The following UBXN10 variants were observed in gnomAD, a reference collection of about 807,000 sequenced individuals.
UBXN10 encodes UBX domain-containing protein 10.
Under a neutral mutation model 6.9 loss-of-function variants are expected in UBXN10, and 6 were observed. The observed-to-expected ratio is 0.87, with a 90% confidence interval of 0.48 to 1.72. UBXN10 has a LOEUF of 1.72. Ranked by LOEUF, UBXN10 falls within the 40% of genes most tolerant of loss-of-function variation. The probability of loss-of-function intolerance (pLI) is 0.01; values close to 1 mark genes in which losing one functional copy is unlikely to be tolerated. For synonymous variants in UBXN10, 131 were observed against 135.2 expected (o/e 0.97, Z 0.21); for missense variants, 317 against 348.4 (o/e 0.91, Z 0.72).
In UBXN10 at chr1:20,190,733, G is replaced by A. The variant is rs933513540; in HGVS notation, c.172G>A (p.Val58Met). The change falls in exon 2 of 2, where the codon GTG becomes ATG. Residue 58 changes from valine to methionine, a missense_variant. Physicochemically the swap from Val to Met is conservative, Grantham distance 21. Transcript: ENST00000375099. ...PSLQKSQGVE[V>M]CAHHIPSPPP... ...TCTGCAGAAATCCCAGGGCGTGGAG[G>A]TGTGCGCTCATCATATACCATCTCC... is the stretch of plus-strand genomic sequence containing the variant. 2 of 1,613,960 alleles carry A rather than the reference G, an allele frequency of 1.2e-6. No homozygotes were observed. The highest frequency in any genetic ancestry group is 1.7e-6 in the Non-Finnish European group (2 of 1,180,052).
chr1:20,183,342 G>A (rs142612007), upstream of UBXN10, among the ~76,000 whole-genome samples: 955 of 152,274 alleles, frequency 6.3e-3, 10 homozygotes, highest in Middle Eastern at 0.01. Flanking sequence ...CAGTCCCCAC[G>A]ACCAGTGCAA....
At chr1:20,184,841 G>C (rs1175326163), upstream of UBXN10, among the ~76,000 whole-genome samples, 2 of 152,104 alleles carry the variant, frequency 1.3e-5, no homozygotes, top group Non-Finnish European at 1.5e-5. Flanking sequence ...GCAAAACAAC[G>C]TTTTGAAATA....
rs2018492854 is a variant in UBXN10 at position 20,191,179 on chromosome 1, A to T, written c.618A>T (p.Pro206=). 6.2e-7 allele frequency: 1 copy of T among 1,614,118 alleles called. No homozygotes were observed. The highest frequency in any genetic ancestry group is 8.5e-7 in the Non-Finnish European group (1 of 1,180,054). ...EPRLLLAVRS[P]TGQRFVRHFR... ...GGTTGCTGCTTGCTGTTAGATCACC[A>T]ACAGGCCAAAGGTTTGTACGCCATT... The change falls in exon 2 of 2, where the codon CCA becomes CCT. Residue 206 remains proline, a synonymous_variant. Transcript: ENST00000375099. This position sits in a 1 kb window ranked among gnomAD's most constrained non-coding sequence, Gnocchi z 4.5.
Position 20,188,290 on chromosome 1 carries a change from G to C in UBXN10, c.-16+2137G>C, listed in dbSNP as rs939826073. Among the ~76,000 whole-genome samples the C allele has an allele frequency of 7.9e-5, 12 of 152,212 alleles. No homozygotes were observed. The East Asian group carries it at 2.3e-3, about 29-fold the overall frequency. ...AGCAGCCAGACTGGGTGTGAAAGAC[G>C]AGGGAGAAGTGGAAAATGGGAGTGG... On this transcript the variant is annotated intron_variant, in intron 1 of 1. Transcript: ENST00000375099.
At chr1:20,188,289 CGAG>C in intron 1 of UBXN10, among the ~76,000 whole-genome samples, 1 of 152,098 alleles carries the variant, frequency 6.6e-6, no homozygotes, top group South Asian at 2.1e-4. Flanking sequence ...GTGTGAAAGA[CGAG>C]GGAGAAGTGG....
Position 20,190,935 on chromosome 1 carries a change from TGGA to T in UBXN10, c.383_385del (p.Glu128del). The stretch of plus-strand genomic sequence containing the variant: ...CTTCCTTCCATCAACAGAAAGAACC[TGGA>T]GGAGGAGGCTGTGGAAACCGTTGCC... On this transcript the variant is annotated inframe_deletion, in exon 2 of 2. Transcript: ENST00000375099. 6.2e-7 allele frequency: 1 copy of T among 1,614,062 alleles called. No homozygotes were observed. Among genetic ancestry groups the T allele is most frequent in the African/African-American group, 1.3e-5 (1 of 74,986 alleles).
chr1:20,195,324 A>C lies in UBXN10; in HGVS notation c.*3920A>C, dbSNP rs547769440. 6.0e-6 allele frequency: 1 copy of C among 167,286 alleles called. No individual in the cohort carries two copies. Among genetic ancestry groups the C allele is most frequent in the East Asian group, 1.9e-4 (1 of 5,182 alleles). 10.4% of individuals were successfully genotyped at this position (167,286 alleles called of 1,614,324 possible). ...TGACAAATGCCCACGGGTAAAACTGAGCAAGCCTCATTCAGACTGTCCTGC... is the reference window on the plus strand; with the variant it reads ...TGACAAATGCCCACGGGTAAAACTGCGCAAGCCTCATTCAGACTGTCCTGC... On this transcript the variant is annotated 3_prime_UTR_variant, in exon 2 of 2. Transcript: ENST00000375099.
Position 20,191,596 on chromosome 1 carries a change from C to T in UBXN10, c.*192C>T, listed in dbSNP as rs2018504010. ...CTATGCCGAGCGCGCTAAGAAGTCT[C>T]CCTTCCAGCTGTTCCATTCTCTCCA... On this transcript the variant is annotated 3_prime_UTR_variant, in exon 2 of 2. Transcript: ENST00000375099. The surrounding 1 kb of genome is among the most constrained non-coding windows in gnomAD (Gnocchi z 4.5). 1.2e-6 allele frequency: 1 copy of T among 809,734 alleles called. No individual in the cohort carries two copies. Among genetic ancestry groups the T allele is most frequent in the Non-Finnish European group, 1.9e-6 (1 of 533,278 alleles). 50.2% of individuals were successfully genotyped at this position (809,734 alleles called of 1,614,324 possible). A position where few individuals can be genotyped will look rare whatever the true frequency, so the allele number is the denominator to read the frequency against.
At chr1:20,188,857 C>T (rs1461541703) in intron 1 of UBXN10, among the ~76,000 whole-genome samples, 1 of 152,108 alleles carries the variant, frequency 6.6e-6, no homozygotes, top group Non-Finnish European at 1.5e-5. Context: ...GAACTTAGCA[C>T]ATAGGAAGCA....
chr1:20,193,712 C>CTGGATA lies in UBXN10; in HGVS notation c.*2308_*2309insTGGATA, dbSNP rs2018553965. On this transcript the variant is annotated 3_prime_UTR_variant, in exon 2 of 2. Transcript: ENST00000375099. ...CGGGGCTCCTGCTCTCAGCTTCTGTCACAGCACTTAGCTTGTCTGGATAAG... is the reference window on the plus strand; with the variant it reads ...CGGGGCTCCTGCTCTCAGCTTCTGTCTGGATAACAGCACTTAGCTTGTCTGGATAAG... 1 of 167,092 alleles carries CTGGATA rather than the reference C, an allele frequency of 6.0e-6. No homozygotes were observed. The highest frequency in any genetic ancestry group is 1.5e-5 in the Non-Finnish European group (1 of 68,136). The allele number at this position is 167,092 out of a possible 1,614,324, so 10.4% of individuals were successfully genotyped here.
In UBXN10 at chr1:20,195,618, A is replaced by G. The variant is rs1002228999; in HGVS notation, c.*4214A>G. On this transcript the variant is annotated 3_prime_UTR_variant, in exon 2 of 2. Coordinates refer to ENST00000375099, the MANE Select transcript of UBXN10 (RefSeq NM_152376.5). ...TGGATTGTTTCTGCAAAAACAAACA[A>G]GCAAACAACCACCACGGCAGCAAAG... 4 of 167,158 alleles carry G rather than the reference A, an allele frequency of 2.4e-5. No individual in the cohort carries two copies. In the Admixed American group the frequency reaches 2.6e-4, roughly 11 times the overall value. 10.4% of individuals were successfully genotyped at this position (167,158 alleles called of 1,614,324 possible).
At chr1:20,190,461 C>T in intron 1 of UBXN10, 86 bp from the exon 2 acceptor site, 2 of 1,487,220 alleles carry the variant, frequency 1.3e-6, no homozygotes, top group Non-Finnish European at 1.8e-6. Context: ...TGTGCTTATT[C>T]TGGGCACTCA....
intron 1 of UBXN10, 95 bp from the exon 2 acceptor site, chr1:20,190,452 G>T (rs2018471067): frequency 6.8e-7 from 1 of 1,466,454 alleles, no homozygotes; most frequent in Non-Finnish European, 9.0e-7. Flanking sequence ...CCAGAAATTT[G>T]TGCTTATTCT....
Position 20,192,948 on chromosome 1 carries a change from A to T in UBXN10, c.*1544A>T, listed in dbSNP as rs1029006552. On this transcript the variant is annotated 3_prime_UTR_variant, in exon 2 of 2. Transcript: ENST00000375099. ...CACACTGCCCAGATCATTCTAGAAT[A>T]GGTTATTTCTGAATGTTTTATAGAA... The T allele has an allele frequency of 6.0e-6, 1 of 167,084 alleles. No homozygotes were observed. Among genetic ancestry groups the T allele is most frequent in the African/African-American group, 2.4e-5 (1 of 41,456 alleles). 10.4% of individuals were successfully genotyped at this position (167,084 alleles called of 1,614,324 possible).
In UBXN10 at chr1:20,195,144, CT is replaced by C. The variant is rs2100740830; in HGVS notation, c.*3742del. 6.0e-6 allele frequency: 1 copy of C among 167,278 alleles called. No homozygotes were observed. Among genetic ancestry groups the C allele is most frequent in the Non-Finnish European group, 1.5e-5 (1 of 68,132 alleles). 10.4% of individuals were successfully genotyped at this position (167,278 alleles called of 1,614,324 possible). ...CACTTTCCTTTCCTGATTAGGGAAG[CT>C]TCTCCCAGCCCTTTCTGACGTTCAT... On this transcript the variant is annotated 3_prime_UTR_variant, in exon 2 of 2. Coordinates refer to ENST00000375099, the MANE Select transcript of UBXN10 (RefSeq NM_152376.5).
In UBXN10 at chr1:20,190,667, A is replaced by G; in HGVS notation, c.106A>G (p.Met36Val). The change falls in exon 2 of 2, where the codon ATG becomes GTG. Residue 36 changes from methionine to valine, a missense_variant. By Grantham distance (21) the Met-to-Val change is conservative. Transcript: ENST00000375099. ...GCAGCCAAACTCACTAAATATGCACATGATAAGGCCCAAGTCCGCCAAGGG... is the reference window on the plus strand; with the variant it reads ...GCAGCCAAACTCACTAAATATGCACGTGATAAGGCCCAAGTCCGCCAAGGG... Reference protein sequence around the residue: ...IWQPNSLNMHMIRPKSAKGRT... With the variant: ...IWQPNSLNMHVIRPKSAKGRT... 1.2e-6 allele frequency: 2 copies of G among 1,614,200 alleles called. No individual in the cohort carries two copies. Among genetic ancestry groups the G allele is most frequent in the Non-Finnish European group, 1.7e-6 (2 of 1,180,028 alleles).
Position 20,187,590 on chromosome 1 carries a change from G to C in UBXN10, c.-16+1437G>C, listed in dbSNP as rs2018421339. 6.6e-6 allele frequency among the ~76,000 whole-genome samples: 1 copy of C among 152,194 alleles called. No individual in the cohort carries two copies. Among genetic ancestry groups the C allele is most frequent in the Admixed American group, 6.5e-5 (1 of 15,280 alleles). Reference sequence around the variant, plus strand: ...TCCCTGTGCTCGGGAGGAGGCAGTGGGTTATGAAAGCAGGTTGGATATAAT... The same window carrying C: ...TCCCTGTGCTCGGGAGGAGGCAGTGCGTTATGAAAGCAGGTTGGATATAAT... On this transcript the variant is annotated intron_variant, in intron 1 of 1. Transcript: ENST00000375099. This position sits in a 1 kb window ranked among gnomAD's most constrained non-coding sequence, Gnocchi z 4.6.
intron 1 of UBXN10, among the ~76,000 whole-genome samples, chr1:20,186,905 G>A (rs562106392): frequency 1.3e-5 from 2 of 152,160 alleles, no homozygotes; most frequent in Admixed American, 1.3e-4. Flanking sequence ...TGGGTTGGGG[G>A]GGGCGGGATG....
Position 20,190,693 on chromosome 1 carries a change from A to G in UBXN10, c.132A>G (p.Gly44=), listed in dbSNP as rs764803428. 1.2e-6 allele frequency: 2 copies of G among 1,614,158 alleles called. No individual in the cohort carries two copies. The highest frequency in any genetic ancestry group is 1.7e-6 in the Non-Finnish European group (2 of 1,180,032). ...MHMIRPKSAK[G]RTRPSLQKSQ... is the part of the protein sequence containing the mutation. The stretch of plus-strand genomic sequence containing the variant: ...TGATAAGGCCCAAGTCCGCCAAGGG[A>G]CGGACAAGACCGAGTCTGCAGAAAT... The change falls in exon 2 of 2, where the codon GGA becomes GGG. Residue 44 remains glycine (G), a synonymous_variant. Coordinates refer to ENST00000375099, the MANE Select transcript of UBXN10 (RefSeq NM_152376.5).
Sources: allele counts gnomAD v4.1 joint callset (sites outside exome capture counted in the v4.1 genomes callset), GRCh38; gene constraint gnomAD v4.1.1; non-coding constraint Gnocchi (gnomAD v3.1); transcripts MANE v1.5; gene names NCBI Gene and HGNC (gene_info 2026-07-23, HGNC 2026-07-21).